IL1RAPL2: variants seen among roughly 807,000 people sequenced by gnomAD.
The protein encoded by IL1RAPL2 is interleukin 1 receptor accessory protein like 2, also known as X-linked interleukin-1 receptor accessory protein-like 2.
IL1RAPL2 carries 3 observed loss-of-function variants against 44.1 expected under a neutral mutation model. That is an observed-to-expected ratio of 0.07 (90% CI 0.03 to 0.18). The LOEUF is 0.18. IL1RAPL2 is among the 10% of genes least tolerant of loss of function. The pLI, the probability that IL1RAPL2 is intolerant of heterozygous loss-of-function variation, is 1.00. For missense variants in IL1RAPL2, 391 were observed against 496.4 expected, an observed-to-expected ratio of 0.79 and a Z score of 2.02; for synonymous variants, 181 against 178.8, an observed-to-expected ratio of 1.01 and a Z score of -0.10.
intron 7 of IL1RAPL2, among the ~76,000 whole-genome samples, chrX:105,733,389 CTTGAT>C (rs1203636438): frequency 9.0e-6 from 1 of 110,623 alleles, no homozygotes; most frequent in Non-Finnish European, 1.9e-5. Context: ...TTGGAGCTTC[CTTGAT>C]TTGTAGTTTG....
chrX:104,956,842 A>T (rs1285464811), intron 2 of IL1RAPL2, among the ~76,000 whole-genome samples: 1 of 111,048 alleles, frequency 9.0e-6, no homozygotes, highest in African/African-American at 3.3e-5. Context: ...ACCTTCACAT[A>T]CAATATCATT....
intron 1 of IL1RAPL2, among the ~76,000 whole-genome samples, chrX:104,578,958 A>G (rs761047378): frequency 1.8e-5 from 2 of 111,993 alleles, no homozygotes; most frequent in South Asian, 7.6e-4. Context: ...GAGAGAGGAC[A>G]ACTGGTTATT....
At chrX:105,090,833 C>T (rs2032535852) in intron 2 of IL1RAPL2, among the ~76,000 whole-genome samples, 1 of 112,057 alleles carries the variant, frequency 8.9e-6, no homozygotes, top group South Asian at 3.8e-4. Context: ...CCCAGGTACA[C>T]TCTGGGGTCT....
At chrX:105,715,303 C>T (rs913420491) in intron 6 of IL1RAPL2, among the ~76,000 whole-genome samples, 1 of 112,001 alleles carries the variant, frequency 8.9e-6, no homozygotes, top group Non-Finnish European at 1.9e-5. Flanking sequence ...GATACATTAA[C>T]AGTAACATTA....
At chrX:105,115,025 T>C (rs1408591835) in intron 2 of IL1RAPL2, among the ~76,000 whole-genome samples, 2 of 111,903 alleles carry the variant, frequency 1.8e-5, no homozygotes, top group East Asian at 5.6e-4. Context: ...CATGTGGTTT[T>C]GTGTCTGGAA....
intron 4 of IL1RAPL2, among the ~76,000 whole-genome samples, chrX:105,238,497 A>G (rs1603026997): frequency 9.7e-6 from 1 of 103,497 alleles, no homozygotes; most frequent in African/African-American, 3.5e-5. Flanking sequence ...ACTTCAGGTC[A>G]TTTTTTTTTT....
intron 6 of IL1RAPL2, among the ~76,000 whole-genome samples, chrX:105,615,971 A>AATTAAAATT (rs1259271113): frequency 8.9e-6 from 1 of 111,737 alleles, no homozygotes; most frequent in East Asian, 2.8e-4. Flanking sequence ...TGTACCCACA[A>AATTAAAATT]AAATTAAAAT....
rs767975368 is a variant in IL1RAPL2 at position 105,321,517 on chromosome X, C to A, written c.697+53976C>A. On this transcript the variant is annotated intron_variant, in intron 5 of 10. Coordinates refer to ENST00000372582, the MANE Select transcript of IL1RAPL2 (RefSeq NM_017416.2). ...AAGACAGCAAAAGCAGAGCATTAAACCAAGCACAGGGCCCTTTTACATGCA... is the reference window on the plus strand; with the variant it reads ...AAGACAGCAAAAGCAGAGCATTAAAACAAGCACAGGGCCCTTTTACATGCA... Among the ~76,000 whole-genome samples, 357 of 112,295 alleles carry A rather than the reference C, an allele frequency of 3.2e-3. 3 individuals carry two copies. Among genetic ancestry groups the A allele is most frequent in the Non-Finnish European group, 2.5e-3 (132 of 53,243 alleles).
chrX:105,676,475 T>G (rs756301315), intron 6 of IL1RAPL2, among the ~76,000 whole-genome samples: 1 of 111,782 alleles, frequency 8.9e-6, no homozygotes, highest in Non-Finnish European at 1.9e-5. Flanking sequence ...GTCTTTTCCT[T>G]GATGGCATCA....
At chrX:104,698,681 C>T (rs1445013536) in intron 2 of IL1RAPL2, among the ~76,000 whole-genome samples, 3 of 111,905 alleles carry the variant, frequency 2.7e-5, no homozygotes, top group Non-Finnish European at 5.6e-5. Context: ...AATTTAATGC[C>T]GGCTTTCATG....
At chrX:105,336,495 C>T (rs912680041) in intron 5 of IL1RAPL2, among the ~76,000 whole-genome samples, 5 of 112,412 alleles carry the variant, frequency 4.4e-5, no homozygotes, top group African/African-American at 1.6e-4. Flanking sequence ...TGTCTTAAGA[C>T]ATTGCATTTC....
At chrX:105,076,760 GTTC>G (rs2032311578) in intron 2 of IL1RAPL2, among the ~76,000 whole-genome samples, 1 of 111,676 alleles carries the variant, frequency 9.0e-6, no homozygotes. Flanking sequence ...AGGATAGTTA[GTTC>G]TTCTTGTTGA....
At chrX:104,730,350 T>G (rs1931879678) in intron 2 of IL1RAPL2, among the ~76,000 whole-genome samples, 1 of 87,984 alleles carries the variant, frequency 1.1e-5, no homozygotes. Flanking sequence ...ATTAGGTGTA[T>G]CTCCTAATGC....
chrX:104,928,848 G>T (rs990148697), intron 2 of IL1RAPL2, among the ~76,000 whole-genome samples: 1 of 110,889 alleles, frequency 9.0e-6, no homozygotes, highest in African/African-American at 3.3e-5. Flanking sequence ...GTGGTGTGAG[G>T]GCAGCGTGTT....
intron 5 of IL1RAPL2, among the ~76,000 whole-genome samples, chrX:105,469,246 A>T (rs1303720862): frequency 9.0e-6 from 1 of 111,295 alleles, no homozygotes; most frequent in Non-Finnish European, 1.9e-5. Context: ...TTTGGAAAAC[A>T]TGTCACCTGA....
chrX:104,980,021 A>G (rs2030407890), intron 2 of IL1RAPL2, among the ~76,000 whole-genome samples: 1 of 112,185 alleles, frequency 8.9e-6, no homozygotes, highest in Non-Finnish European at 1.9e-5. Flanking sequence ...CGCATGTTCA[A>G]GGGTACTCAT....
intron 9 of IL1RAPL2, among the ~76,000 whole-genome samples, chrX:105,750,302 G>C: frequency 1.1e-5 from 1 of 89,702 alleles, no homozygotes; most frequent in East Asian, 3.5e-4. Flanking sequence ...TTGAGACAGA[G>C]TCTCACTGTC....
At chrX:105,343,045 T>TAA (rs397969579) in intron 5 of IL1RAPL2, among the ~76,000 whole-genome samples, 8 of 106,974 alleles carry the variant, frequency 7.5e-5, no homozygotes, top group African/African-American at 1.4e-4. Context: ...GCTATTCTAT[T>TAA]AAAAAAAAAA....
chrX:105,193,567 G>A (rs782388324), intron 2 of IL1RAPL2, among the ~76,000 whole-genome samples: 1 of 112,121 alleles, frequency 8.9e-6, no homozygotes, highest in South Asian at 3.7e-4. Flanking sequence ...TGTATCACTA[G>A]TAATTTATAA....
Sources: gnomAD v4.1 joint callset for allele counts (sites outside exome capture counted in the v4.1 genomes callset) on GRCh38, gnomAD v4.1.1 for gene constraint, MANE v1.5 for transcripts, NCBI Gene and HGNC (gene_info 2026-07-23, HGNC 2026-07-21) for gene names.